MYO16: variants seen among roughly 807,000 people sequenced by gnomAD.
MYO16 encodes unconventional myosin-XVI.
MYO16 carries 94 observed loss-of-function variants against 205.3 expected under a neutral mutation model. That is an observed-to-expected ratio of 0.46 (90% CI 0.39 to 0.54). The LOEUF is 0.54. Among genes scored for constraint, MYO16 ranks in the 20% least tolerant of loss-of-function variants. MYO16 has a pLI of 0.00. For missense variants in MYO16, 2,315 were observed against 2,387.5 expected, an observed-to-expected ratio of 0.97 and a Z score of 0.63; for synonymous variants, 988 against 954.0, an observed-to-expected ratio of 1.04 and a Z score of -0.66.
In MYO16 at chr13:109,121,666, G is replaced by GCAGGGGCCTGGCAGGAGCCATTGC. The variant is rs1875996287; in HGVS notation, c.3535+1203_3535+1226dup. ...TCTCTAACAGAGCCTGTGTTTCCAT[G>GCAGGGGCCTGGCAGGAGCCATTGC]CAGGGGCCTGGCAGGAGCCATTGCC... On this transcript the variant is annotated intron_variant, in intron 29 of 34. Coordinates refer to ENST00000457511, the MANE Select transcript of MYO16 (RefSeq NM_001198950.3). Among the ~76,000 whole-genome samples the GCAGGGGCCTGGCAGGAGCCATTGC allele has an allele frequency of 2.0e-5, 3 of 152,318 alleles. No homozygotes were observed. In the South Asian group the frequency reaches 6.2e-4, roughly 32 times the overall value.
intron 1 of MYO16, among the ~76,000 whole-genome samples, chr13:108,617,632 A>G (rs967304383): frequency 6.6e-6 from 1 of 152,122 alleles, no homozygotes; most frequent in Non-Finnish European, 1.5e-5. Context: ...CAGTCTCCAT[A>G]AACAAAATTA....
chr13:108,578,355 T>C, the MYO16 span, among the ~76,000 whole-genome samples: 2 of 152,196 alleles, frequency 1.3e-5, no homozygotes, highest in Non-Finnish European at 2.9e-5. Flanking sequence ...TAACAAAATA[T>C]CTCATTGCAA....
chr13:108,616,770 AG>A (rs1380712724), intron 1 of MYO16, among the ~76,000 whole-genome samples: 1 of 152,196 alleles, frequency 6.6e-6, no homozygotes, highest in African/African-American at 2.4e-5. Flanking sequence ...GTAGAAAGAA[AG>A]GAATTGTTAG....
chr13:108,631,753 A>C (rs1465036134), intron 1 of MYO16, among the ~76,000 whole-genome samples: 1 of 152,190 alleles, frequency 6.6e-6, no homozygotes, highest in Non-Finnish European at 1.5e-5. Context: ...AAAAAAATGC[A>C]TCTTGAGCTA....
intron 5 of MYO16, among the ~76,000 whole-genome samples, chr13:108,791,909 A>G (rs1343427253): frequency 6.6e-6 from 1 of 152,228 alleles, no homozygotes; most frequent in African/African-American, 2.4e-5. Flanking sequence ...CCGCTGTGCT[A>G]GGCTTTCTCT....
chr13:108,958,643 T>A (rs538808673), intron 17 of MYO16, among the ~76,000 whole-genome samples: 7 of 152,224 alleles, frequency 4.6e-5, no homozygotes, highest in Admixed American at 2.0e-4. Flanking sequence ...AAATGTTTAA[T>A]ATTTCTTTAT....
intron 2 of MYO16, among the ~76,000 whole-genome samples, chr13:108,673,126 G>C (rs1441875700): frequency 6.6e-6 from 1 of 151,836 alleles, no homozygotes; most frequent in Non-Finnish European, 1.5e-5. Flanking sequence ...TTCCTGAGTT[G>C]AGAGACCATG....
chr13:108,603,395 G>A (rs916767155), intron 1 of MYO16, among the ~76,000 whole-genome samples: 4 of 151,964 alleles, frequency 2.6e-5, no homozygotes, highest in African/African-American at 7.2e-5. Context: ...ACCAAAGTTG[G>A]GAAAAATTCA....
chr13:109,151,818 C>G (rs949776820), intron 32 of MYO16, among the ~76,000 whole-genome samples: 3 of 152,154 alleles, frequency 2.0e-5, no homozygotes, highest in Non-Finnish European at 4.4e-5. Context: ...ACCATACAGG[C>G]CTTTCCATGT....
In MYO16 at chr13:109,179,648, C is replaced by G. The variant is rs780715315; in HGVS notation, c.5415+15C>G. 6.3e-7 allele frequency: 1 copy of G among 1,588,280 alleles called. No individual in the cohort carries two copies. The highest frequency in any genetic ancestry group is 8.6e-7 in the Non-Finnish European group (1 of 1,156,582). ...ACACCACTCAGGTAATGATGTCTGT[C>G]TGTTCACATGTGCAGTGACAAATGG... On this transcript the variant is annotated intron_variant, in intron 34 of 34. Coordinates refer to ENST00000457511, the MANE Select transcript of MYO16 (RefSeq NM_001198950.3).
chr13:109,028,488 T>C, intron 23 of MYO16: 1 of 209,480 alleles, frequency 4.8e-6, no homozygotes, highest in Non-Finnish European at 9.9e-6. Context: ...TACCATTTAG[T>C]TTTATAACTA....
At chr13:108,500,085 C>T in the MYO16 span, among the ~76,000 whole-genome samples, 50 of 152,040 alleles carry the variant, frequency 3.3e-4, no homozygotes, top group East Asian at 6.4e-3. Context: ...CTGGCCTCCA[C>T]GTCTGCATCT....
chr13:108,627,786 A>G (rs1313915303), upstream of MYO16, among the ~76,000 whole-genome samples: 2 of 152,216 alleles, frequency 1.3e-5, no homozygotes, highest in African/African-American at 4.8e-5. Context: ...TAAAGAGTGA[A>G]TGGTATCATT....
chr13:108,534,624 T>TA, the MYO16 span, among the ~76,000 whole-genome samples: 3,352 of 150,468 alleles, frequency 0.022, 102 homozygotes, highest in South Asian at 0.082. Flanking sequence ...GCTTCTACAT[T>TA]AAAAAAAAAC....
At chr13:109,093,540 C>T (rs1489444564) in intron 27 of MYO16, among the ~76,000 whole-genome samples, 6 of 152,106 alleles carry the variant, frequency 3.9e-5, no homozygotes, top group Admixed American at 3.3e-4. Context: ...ACAGTATTTC[C>T]CTCCTGTTAA....
At chr13:108,528,486 T>C in the MYO16 span, among the ~76,000 whole-genome samples, 2 of 151,986 alleles carry the variant, frequency 1.3e-5, no homozygotes, top group Non-Finnish European at 1.5e-5. Flanking sequence ...ATGTATTAAC[T>C]AGAAAATATT....
In MYO16 at chr13:108,793,562, G is replaced by A. The variant is rs906273783; in HGVS notation, c.663G>A (p.Met221Ile). 9 of 1,613,694 alleles carry A rather than the reference G, an allele frequency of 5.6e-6. No individual in the cohort carries two copies. Among genetic ancestry groups the A allele is most frequent in the Admixed American group, 5.0e-5 (3 of 59,998 alleles). ...GCCAGATGAAGCTTCAGAGACCAAT[G>A]AGTATGTTAACAGATGTCAAACACT... is the stretch of plus-strand genomic sequence containing the variant. The part of the protein sequence containing the change: ...SLRQMKLQRP[M>I]SMLTDVKHFL... The change falls in exon 6 of 35, where the codon ATG becomes ATA. Residue 221 changes from methionine to isoleucine, a missense_variant. Physicochemically the swap from Met to Ile is conservative, Grantham distance 10. This residue lies in a region of MYO16 where 1,213 missense variants were observed against 1,274.4 expected (regional missense o/e 0.95). Coordinates refer to ENST00000457511, the MANE Select transcript of MYO16 (RefSeq NM_001198950.3).
At chr13:108,801,389 A>G (rs1272191721) in intron 6 of MYO16, among the ~76,000 whole-genome samples, 1 of 152,234 alleles carries the variant, frequency 6.6e-6, no homozygotes, top group East Asian at 1.9e-4. Flanking sequence ...AGAACTCTGC[A>G]TGGCAGCATG....
chr13:108,662,546 G>A (rs1482981999), intron 1 of MYO16, among the ~76,000 whole-genome samples: 1 of 152,098 alleles, frequency 6.6e-6, no homozygotes, highest in Non-Finnish European at 1.5e-5. Flanking sequence ...GAGTCATGCA[G>A]GTTGTCAGGG....
Sources: allele counts gnomAD v4.1 joint callset (sites outside exome capture counted in the v4.1 genomes callset), GRCh38; gene constraint gnomAD v4.1.1; regional missense constraint gnomAD v4.1.1; transcripts MANE v1.5; gene names NCBI Gene and HGNC (gene_info 2026-07-23, HGNC 2026-07-21).